ARHGAP24: variants seen among roughly 807,000 people sequenced by gnomAD.
ARHGAP24 encodes the protein Rho GTPase activating protein 24.
Under a neutral mutation model 76.4 loss-of-function variants are expected in ARHGAP24, and 50 were observed. The observed-to-expected ratio is 0.65, with a 90% CI of 0.52 to 0.83. ARHGAP24 has a LOEUF of 0.83. ARHGAP24 is among the 40% of genes least tolerant of loss of function. The pLI is 0.00. For synonymous variants in ARHGAP24, 345 were observed against 323.3 expected (o/e 1.07, Z -0.72); for missense variants, 930 against 914.2 (o/e 1.02, Z -0.22).
Position 85,802,722 on chromosome 4 carries a change from C to G in ARHGAP24, c.268+80750C>G, listed in dbSNP as rs556987888. On this transcript the variant is annotated intron_variant, in intron 3 of 9. Transcript: ENST00000395184. The stretch of plus-strand genomic sequence containing the variant: ...AGGAGAATCGCTTGAACCCAGGAGG[C>G]GGAGGTTGTGGTGAGCTGAGACCGC... 2.6e-5 allele frequency among the ~76,000 whole-genome samples: 4 copies of G among 152,250 alleles called. No individual in the cohort carries two copies. In the South Asian group the frequency reaches 8.3e-4, roughly 32 times the overall value.
At chr4:85,541,214 C>T (rs947880567) in intron 1 of ARHGAP24, among the ~76,000 whole-genome samples, 5 of 93,164 alleles carry the variant, frequency 5.4e-5, no homozygotes, top group African/African-American at 2.6e-4. Context: ...AGTGCAGTGG[C>T]GGTATCTCGG....
At chr4:85,662,291 G>T (rs1722422645) in intron 2 of ARHGAP24, among the ~76,000 whole-genome samples, 2 of 151,874 alleles carry the variant, frequency 1.3e-5, no homozygotes, top group Non-Finnish European at 2.9e-5. Flanking sequence ...TTTTTCATGT[G>T]TTTTTTGGCT....
At chr4:85,777,169 A>G (rs1431274697) in intron 3 of ARHGAP24, among the ~76,000 whole-genome samples, 1 of 152,172 alleles carries the variant, frequency 6.6e-6, no homozygotes, top group Non-Finnish European at 1.5e-5. Context: ...CATACCCATT[A>G]ATTTCTCAAC....
chr4:85,982,695 GA>G (rs1292929193), intron 8 of ARHGAP24, among the ~76,000 whole-genome samples: 2 of 152,166 alleles, frequency 1.3e-5, no homozygotes, highest in Non-Finnish European at 2.9e-5. Context: ...TGTCTCTAGA[GA>G]AAATACTAAA....
chr4:85,518,560 C>T (rs771380978), intron 1 of ARHGAP24, among the ~76,000 whole-genome samples: 27 of 151,978 alleles, frequency 1.8e-4, no homozygotes, highest in Non-Finnish European at 3.5e-4. Context: ...TTGTATTATT[C>T]TTTTGCCTTT....
intron 3 of ARHGAP24, among the ~76,000 whole-genome samples, chr4:85,826,137 C>T (rs1729701475): frequency 1.3e-5 from 2 of 152,176 alleles, no homozygotes; most frequent in African/African-American, 4.8e-5. Flanking sequence ...CTGTCTCCCT[C>T]CCTCTGTTCC....
chr4:85,508,324 G>A (rs1407244721), intron 1 of ARHGAP24, among the ~76,000 whole-genome samples: 1 of 152,154 alleles, frequency 6.6e-6, no homozygotes, highest in East Asian at 1.9e-4. Context: ...ATTGTTTTAT[G>A]CTAACTTTCA....
chr4:85,488,132 G>A (rs562556223), intron 1 of ARHGAP24, among the ~76,000 whole-genome samples: 1 of 151,466 alleles, frequency 6.6e-6, no homozygotes, highest in African/African-American at 2.4e-5. Flanking sequence ...GACACTGTGG[G>A]TATGAAAGGT....
At chr4:85,862,625 T>A (rs750667166) in intron 3 of ARHGAP24, among the ~76,000 whole-genome samples, 29 of 152,068 alleles carry the variant, frequency 1.9e-4, no homozygotes, top group Non-Finnish European at 3.2e-4. Context: ...CCCAGCCTTC[T>A]CCCTTGATAT....
At chr4:85,631,452 T>C (rs1489035076) in intron 2 of ARHGAP24, among the ~76,000 whole-genome samples, 1 of 152,114 alleles carries the variant, frequency 6.6e-6, no homozygotes, top group Non-Finnish European at 1.5e-5. Context: ...TTGGATGATA[T>C]AGTTTTTCAA....
intron 2 of ARHGAP24, among the ~76,000 whole-genome samples, chr4:85,696,386 G>A (rs1250119513): frequency 6.6e-6 from 1 of 151,894 alleles, no homozygotes; most frequent in African/African-American, 2.4e-5. Context: ...ATTCAGATTG[G>A]TAACTTGAAT....
chr4:85,733,171 C>A (rs168240), intron 3 of ARHGAP24, among the ~76,000 whole-genome samples: 18 of 145,246 alleles, frequency 1.2e-4, no homozygotes, highest in African/African-American at 3.8e-4. Context: ...TCACACCTTT[C>A]TCCTGCCTCA....
intron 3 of ARHGAP24, among the ~76,000 whole-genome samples, chr4:85,838,116 A>T (rs1730390531): frequency 6.6e-6 from 1 of 152,298 alleles, no homozygotes; most frequent in African/African-American, 2.4e-5. Flanking sequence ...TACACTTTTA[A>T]TTCTCACAAC....
At chr4:85,624,526 A>G (rs1269797694) in intron 2 of ARHGAP24, among the ~76,000 whole-genome samples, 2 of 152,174 alleles carry the variant, frequency 1.3e-5, no homozygotes, top group South Asian at 4.1e-4. Flanking sequence ...ATGTTCATCA[A>G]GGATATTGGT....
At chr4:85,809,829 CCTT>C (rs1728937251) in intron 3 of ARHGAP24, among the ~76,000 whole-genome samples, 1 of 152,194 alleles carries the variant, frequency 6.6e-6, no homozygotes, top group African/African-American at 2.4e-5. Flanking sequence ...AGGGATTTCT[CCTT>C]CTGTCATTTC....
chr4:85,582,652 C>G (rs1727664939), intron 2 of ARHGAP24, among the ~76,000 whole-genome samples: 2 of 151,764 alleles, frequency 1.3e-5, no homozygotes, highest in Non-Finnish European at 2.9e-5. Flanking sequence ...TGTCAATATC[C>G]AAAAAGTGTA....
chr4:85,981,150 A>C (rs1365570397), intron 8 of ARHGAP24, among the ~76,000 whole-genome samples: 1 of 152,196 alleles, frequency 6.6e-6, no homozygotes, highest in Non-Finnish European at 1.5e-5. Context: ...TTTGTGTGAT[A>C]TTTGAGCAGC....
chr4:85,942,479 A>T (rs749636882), intron 5 of ARHGAP24: 3 of 546,332 alleles, frequency 5.5e-6, no homozygotes, highest in Non-Finnish European at 9.6e-6. Context: ...CATACTTTCC[A>T]TCTTAAAACA....
At chr4:85,730,815 C>T (rs1252692469) in intron 3 of ARHGAP24, among the ~76,000 whole-genome samples, 1 of 151,938 alleles carries the variant, frequency 6.6e-6, no homozygotes, top group Non-Finnish European at 1.5e-5. Flanking sequence ...AGTTTGTTTC[C>T]CTTACCACCC....
Sources: gnomAD v4.1 joint callset for allele counts (sites outside exome capture counted in the v4.1 genomes callset) on GRCh38, gnomAD v4.1.1 for gene constraint, MANE v1.5 for transcripts, NCBI Gene and HGNC (gene_info 2026-07-23, HGNC 2026-07-21) for gene names.